GABBR2: variants seen among roughly 807,000 people sequenced by gnomAD.
GABBR2 encodes the protein gamma-aminobutyric acid type B receptor subunit 2, also known as G-protein coupled receptor 51.
GABBR2 carries 23 observed loss-of-function variants against 105.6 expected under a neutral mutation model. That is an observed-to-expected ratio of 0.22 (90% CI 0.16 to 0.31). The LOEUF (loss-of-function observed/expected upper bound fraction) is 0.31. Among genes scored for constraint, GABBR2 ranks in the 10% least tolerant of loss-of-function variants. The probability of loss-of-function intolerance (pLI) is 1.00; values close to 1 mark genes in which losing one functional copy is unlikely to be tolerated. For synonymous variants in GABBR2, 478 were observed against 499.7 expected, an observed-to-expected ratio of 0.96 and a Z score of 0.58; for missense variants, 734 against 1,245.5, an observed-to-expected ratio of 0.59 and a Z score of 6.18.
At chr9:98,440,095 C>T (rs964315401) in intron 7 of GABBR2, among the ~76,000 whole-genome samples, 1 of 152,176 alleles carries the variant, frequency 6.6e-6, no homozygotes, top group Non-Finnish European at 1.5e-5. Context: ...GCTCCTAGGG[C>T]CAGTGACTAG....
At chr9:98,561,658 G>A (rs1021983923) in intron 2 of GABBR2, among the ~76,000 whole-genome samples, 11 of 152,282 alleles carry the variant, frequency 7.2e-5, no homozygotes, top group African/African-American at 2.4e-4. Flanking sequence ...CGAGGCAGGA[G>A]GCTCGATTGA....
Position 98,549,280 on chromosome 9 carries a change from T to TA in GABBR2, c.460-7238dup, listed in dbSNP as rs926655568. ...TGTTTTGATAGTTTCAAAGGAAAGCTAAAAAAATGTTTTATTGGGTACCAA... is the reference window on the plus strand; with the variant it reads ...TGTTTTGATAGTTTCAAAGGAAAGCTAAAAAAAATGTTTTATTGGGTACCAA... On this transcript the variant is annotated intron_variant, in intron 2 of 18. Transcript: ENST00000259455. 2.0e-4 allele frequency among the ~76,000 whole-genome samples: 25 copies of TA among 124,480 alleles called. 7 individuals carry two copies. Among genetic ancestry groups the TA allele is most frequent in the Non-Finnish European group, 3.5e-4 (19 of 54,962 alleles). The allele number at this position is 124,480 out of a possible 152,430, so 81.7% of individuals were successfully genotyped here.
chr9:98,447,402 A>G (rs1341566922), intron 7 of GABBR2, among the ~76,000 whole-genome samples: 1 of 152,304 alleles, frequency 6.6e-6, no homozygotes, highest in Non-Finnish European at 1.5e-5. Flanking sequence ...GATATCAAAT[A>G]TAAGACACCA....
chr9:98,619,762 A>C (rs1245976815), intron 1 of GABBR2, among the ~76,000 whole-genome samples: 1 of 152,126 alleles, frequency 6.6e-6, no homozygotes, highest in African/African-American at 2.4e-5. Context: ...GATGTTTTTC[A>C]CTGAGCCTTT....
intron 13 of GABBR2, among the ~76,000 whole-genome samples, chr9:98,345,379 T>C (rs1277630262): frequency 2.6e-5 from 4 of 152,220 alleles, no homozygotes; most frequent in Non-Finnish European, 4.4e-5. Context: ...TCTGCCTGAG[T>C]CATCATTCGA....
At chr9:98,425,652 T>G (rs1006106418) in intron 7 of GABBR2, among the ~76,000 whole-genome samples, 2 of 152,204 alleles carry the variant, frequency 1.3e-5, no homozygotes, top group Non-Finnish European at 2.9e-5. Flanking sequence ...TGGTGGATAT[T>G]ACCACCTTCC....
intron 11 of GABBR2, among the ~76,000 whole-genome samples, chr9:98,383,002 G>A (rs754205352): frequency 1.5e-4 from 23 of 151,868 alleles, no homozygotes; most frequent in Non-Finnish European, 2.6e-4. Flanking sequence ...GTGCCATGGC[G>A]TGATCTCGGC....
At chr9:98,403,148 G>A (rs1832424663) in intron 8 of GABBR2, among the ~76,000 whole-genome samples, 1 of 151,978 alleles carries the variant, frequency 6.6e-6, no homozygotes, top group African/African-American at 2.4e-5. Context: ...ACAAAAATTA[G>A]CTGGGCATGG....
At chr9:98,299,173 G>A in intron 17 of GABBR2, 51 bp downstream of exon 17, 1 of 1,489,916 alleles carries the variant, frequency 6.7e-7, no homozygotes, top group Non-Finnish European at 9.4e-7. Flanking sequence ...ATGAACAGCT[G>A]GTGTTTGAAA....
At position 98,454,265 on chromosome 9, in the gene GABBR2, AC is replaced by A; in HGVS notation, c.1000-49del. ...GAATCCCAAGTTATACTCGGCAGGG[AC>A]ATCAGGTGCCTGATGCCGAGAAGAG... is the stretch of plus-strand genomic sequence containing the variant. On this transcript the variant is annotated intron_variant, in intron 6 of 18. Coordinates refer to ENST00000259455, the MANE Select transcript of GABBR2 (RefSeq NM_005458.8). This position sits in a 1 kb window ranked among gnomAD's most constrained non-coding sequence, Gnocchi z 4.6. 7.7e-7 allele frequency: 1 copy of A among 1,295,978 alleles called. No homozygotes were observed. The highest frequency in any genetic ancestry group is 1.2e-5 in the South Asian group (1 of 84,546). The allele number at this position is 1,295,978 out of a possible 1,614,324, so 80.3% of individuals were successfully genotyped here.
At chr9:98,583,294 GA>G (rs1452747651) in intron 1 of GABBR2, among the ~76,000 whole-genome samples, 1 of 152,218 alleles carries the variant, frequency 6.6e-6, no homozygotes, top group African/African-American at 2.4e-5. Flanking sequence ...GTCCCAAATA[GA>G]TGGACTTTCC....
At chr9:98,423,125 C>T (rs1832813697) in intron 7 of GABBR2, among the ~76,000 whole-genome samples, 1 of 152,120 alleles carries the variant, frequency 6.6e-6, no homozygotes, top group South Asian at 2.1e-4. Context: ...GGGTATATAC[C>T]CAGTAATGGG....
intron 1 of GABBR2, among the ~76,000 whole-genome samples, chr9:98,622,043 TC>T (rs1368106364): frequency 3.3e-5 from 5 of 152,232 alleles, no homozygotes; most frequent in African/African-American, 4.8e-5. Flanking sequence ...AAAAATGCAT[TC>T]TTTTAATGAC....
chr9:98,385,349 T>C (rs1255689985), intron 11 of GABBR2, among the ~76,000 whole-genome samples: 1 of 152,192 alleles, frequency 6.6e-6, no homozygotes, highest in Non-Finnish European at 1.5e-5. Flanking sequence ...ACTACAGGTG[T>C]ACACCAGCAT....
chr9:98,482,331 A>G (rs1190860298), intron 4 of GABBR2, among the ~76,000 whole-genome samples: 2 of 152,240 alleles, frequency 1.3e-5, no homozygotes, highest in South Asian at 4.1e-4. Context: ...AAGAATGGAA[A>G]GAAGAGGGGA....
chr9:98,436,128 T>A (rs572198058), intron 7 of GABBR2, among the ~76,000 whole-genome samples: 2 of 150,852 alleles, frequency 1.3e-5, no homozygotes, highest in East Asian at 4.0e-4. Flanking sequence ...AACAGTCATG[T>A]CTCTGTGGTT....
chr9:98,358,664 G>T (rs894475825), intron 13 of GABBR2, among the ~76,000 whole-genome samples: 1 of 152,208 alleles, frequency 6.6e-6, no homozygotes. Context: ...AGGTGAGAGT[G>T]AGGCTGGAAT....
At chr9:98,601,094 T>C (rs561885853) in intron 1 of GABBR2, among the ~76,000 whole-genome samples, 1 of 152,126 alleles carries the variant, frequency 6.6e-6, no homozygotes, top group South Asian at 2.1e-4. Context: ...ACTGACCTCA[T>C]ACAAACTTCT....
At chr9:98,322,100 C>T (rs1438944738) in intron 13 of GABBR2, among the ~76,000 whole-genome samples, 1 of 152,118 alleles carries the variant, frequency 6.6e-6, no homozygotes, top group African/African-American at 2.4e-5. Context: ...CTCTTGGTGG[C>T]CAGATGCAGG....
Sources: gnomAD v4.1 joint callset for allele counts (sites outside exome capture counted in the v4.1 genomes callset) on GRCh38, gnomAD v4.1.1 for gene constraint, Gnocchi (gnomAD v3.1) non-coding constraint, MANE v1.5 for transcripts, NCBI Gene and HGNC (gene_info 2026-07-23, HGNC 2026-07-21) for gene names.